The following SYNE1 variants were observed in gnomAD, a reference collection of about 807,000 sequenced individuals.
SYNE1 encodes spectrin repeat containing nuclear envelope protein 1.
SYNE1 carries 616 observed loss-of-function variants against 1,111.0 expected under a neutral mutation model. That is an observed-to-expected ratio of 0.55 (90% CI 0.52 to 0.59). The LOEUF (loss-of-function observed/expected upper bound fraction) is 0.59. SYNE1 is among the 20% of genes least tolerant of loss of function. The pLI is 0.00. For synonymous variants in SYNE1, 3,855 were observed against 3,825.8 expected (o/e 1.01, Z -0.28); for missense variants, 10,006 against 10,417.0 (o/e 0.96, Z 1.72).
chr6:152,286,727 T>G lies in SYNE1; in HGVS notation c.18013-2555A>C, dbSNP rs545865934. Reference sequence around the variant, plus strand: ...CCTGTGTTTCTTTTGGTTCTGCATATAGCAAATAATCTGTTCCCACTTTGA... The same window carrying G: ...CCTGTGTTTCTTTTGGTTCTGCATAGAGCAAATAATCTGTTCCCACTTTGA... On this transcript the variant is annotated intron_variant, in intron 95 of 145. Coordinates refer to ENST00000367255, the MANE Select transcript of SYNE1 (RefSeq NM_182961.4). 6.6e-5 allele frequency among the ~76,000 whole-genome samples: 10 copies of G among 152,350 alleles called. No individual in the cohort carries two copies. The East Asian group carries it at 1.3e-3, about 21-fold the overall frequency.
chr6:152,369,721 G>A (rs1006225378), intron 59 of SYNE1, 107 bp from the exon 60 acceptor site: 42 of 1,363,714 alleles, frequency 3.1e-5, no homozygotes, highest in Middle Eastern at 3.6e-4. Flanking sequence ...AGTGGCTCAC[G>A]CCTGTAATCC....
At chr6:152,194,264 T>C (rs1478652347) in intron 127 of SYNE1, among the ~76,000 whole-genome samples, 1 of 152,192 alleles carries the variant, frequency 6.6e-6, no homozygotes, top group Non-Finnish European at 1.5e-5. Flanking sequence ...GAAAGACGTT[T>C]TCACTGGTTA....
chr6:152,249,301 C>T, intron 104 of SYNE1, 39 bp from the exon 105 acceptor site: 2 of 1,120,910 alleles, frequency 1.8e-6, no homozygotes, highest in Non-Finnish European at 2.7e-6. Flanking sequence ...AAATGTGTAA[C>T]AGGGAATTCA....
At chr6:152,548,300 A>G (rs1384288349) in intron 3 of SYNE1, among the ~76,000 whole-genome samples, 1 of 152,188 alleles carries the variant, frequency 6.6e-6, no homozygotes, top group African/African-American at 2.4e-5. Context: ...GGCTAAGAAA[A>G]CTATCAGTTG....
intron 3 of SYNE1, among the ~76,000 whole-genome samples, chr6:152,596,552 G>A (rs185181611): frequency 9.2e-5 from 14 of 152,166 alleles, no homozygotes; most frequent in South Asian, 4.1e-4. Context: ...CAGTGTGCCC[G>A]GCCAAGTTAT....
intron 32 of SYNE1, among the ~76,000 whole-genome samples, chr6:152,440,909 C>G (rs2098523963): frequency 6.6e-6 from 1 of 152,144 alleles, no homozygotes; most frequent in Admixed American, 6.5e-5. Context: ...TATTAGGGAA[C>G]TAACCATTTT....
At chr6:152,376,354 A>G (rs2097282087) in intron 58 of SYNE1, 27 bp downstream of exon 58, 1 of 1,611,634 alleles carries the variant, frequency 6.2e-7, no homozygotes, top group Non-Finnish European at 8.5e-7. Context: ...CAGCACTGCT[A>G]CTAGAATTAA....
chr6:152,628,353 C>G lies in SYNE1; in HGVS notation c.-22G>C, dbSNP rs774537665. 1 of 1,613,800 alleles carries G rather than the reference C, an allele frequency of 6.2e-7. No homozygotes were observed. The highest frequency in any genetic ancestry group is 2.2e-5 in the East Asian group (1 of 44,882). On this transcript the variant is annotated 5_prime_UTR_variant, in exon 3 of 146. Transcript: ENST00000367255. ...CCATGGTCCCTCCGGAAGCACGAAG[C>G]CAACACCAAGAGACTCTTCACTGGA...
At chr6:152,221,737 G>A (rs1405881342) in intron 117 of SYNE1, among the ~76,000 whole-genome samples, 178 bp from the exon 118 acceptor site, 1 of 152,102 alleles carries the variant, frequency 6.6e-6, no homozygotes, top group Non-Finnish European at 1.5e-5. Flanking sequence ...TCTTTTGTAG[G>A]ATTTTGTTAT....
intron 117 of SYNE1, 134 bp from the exon 118 acceptor site, chr6:152,221,693 G>T: frequency 9.1e-7 from 1 of 1,094,764 alleles, no homozygotes; most frequent in Non-Finnish European, 1.3e-6. Flanking sequence ...TAGCACCAAT[G>T]CTTTATCAGC....
At chr6:152,404,427 TA>T (rs1209350511) in intron 45 of SYNE1, 113 bp from the exon 46 acceptor site, 335 of 766,600 alleles carry the variant, frequency 4.4e-4, no homozygotes, top group Middle Eastern at 7.5e-4. Flanking sequence ...TAAGCCAGTG[TA>T]AAAAAAAATC....
At chr6:152,461,764 A>G (rs778112803) in intron 20 of SYNE1, 24 bp from the exon 21 acceptor site, 4 of 1,613,752 alleles carry the variant, frequency 2.5e-6, no homozygotes, top group South Asian at 2.2e-5. Flanking sequence ...TGAAACAGCC[A>G]GATTCATACA....
chr6:152,635,280 G>T (rs1052092057), intron 2 of SYNE1, among the ~76,000 whole-genome samples: 1 of 152,188 alleles, frequency 6.6e-6, no homozygotes, highest in African/African-American at 2.4e-5. Context: ...ATAAGAGCTA[G>T]GCAAATATTT....
At chr6:152,465,709 T>C (rs1328233346) in intron 17 of SYNE1, among the ~76,000 whole-genome samples, 1 of 151,948 alleles carries the variant, frequency 6.6e-6, no homozygotes, top group Non-Finnish European at 1.5e-5. Context: ...TTGCCTTTAA[T>C]CCTTAGATGC....
At chr6:152,122,718 G>A (rs746458328) in intron 145 of SYNE1, 42 bp from the exon 146 acceptor site, 1 of 1,612,190 alleles carries the variant, frequency 6.2e-7, no homozygotes, top group Non-Finnish European at 8.5e-7. Flanking sequence ...TAACTCCAGT[G>A]TCGGAGGGAC....
chr6:152,560,284 T>A (rs1372924419), intron 3 of SYNE1, among the ~76,000 whole-genome samples: 1 of 152,136 alleles, frequency 6.6e-6, no homozygotes, highest in Non-Finnish European at 1.5e-5. Flanking sequence ...GAGAATCGCT[T>A]AAACCTGGGA....
Position 152,125,634 on chromosome 6 carries a change from TATAAC to T in SYNE1, c.26154-2963_26154-2959del, listed in dbSNP as rs545120431. ...ACTCAACACCTGTAGCTAGATGAGT[TATAAC>T]AGAGTGACTGAAGAGAGCTCCCACA... On this transcript the variant is annotated intron_variant, in intron 145 of 145. Coordinates refer to ENST00000367255, the MANE Select transcript of SYNE1 (RefSeq NM_182961.4). 565 of 302,848 alleles carry T rather than the reference TATAAC, an allele frequency of 1.9e-3. 1 individual carries two copies. Among genetic ancestry groups the T allele is most frequent in the African/African-American group, 0.011 (534 of 47,536 alleles). The allele number at this position is 302,848 out of a possible 1,614,324, so 18.8% of individuals were successfully genotyped here. A position where few individuals can be genotyped will look rare whatever the true frequency, so the allele number is the denominator to read the frequency against.
chr6:152,384,482 CA>C (rs980501273), intron 55 of SYNE1, among the ~76,000 whole-genome samples: 5 of 151,828 alleles, frequency 3.3e-5, no homozygotes, highest in East Asian at 1.9e-4. Flanking sequence ...GAATAACACA[CA>C]AAAAAAGGAC....
At chr6:152,566,502 G>C (rs542472579) in intron 3 of SYNE1, among the ~76,000 whole-genome samples, 1 of 151,926 alleles carries the variant, frequency 6.6e-6, no homozygotes, top group African/African-American at 2.4e-5. Flanking sequence ...GCAAAATATA[G>C]GTTCAGAGGC....
Sources: allele counts gnomAD v4.1 joint callset (sites outside exome capture counted in the v4.1 genomes callset), GRCh38; gene constraint gnomAD v4.1.1; transcripts MANE v1.5; gene names NCBI Gene and HGNC (gene_info 2026-07-23, HGNC 2026-07-21).